PKN2: variants seen among roughly 807,000 people sequenced by gnomAD.
The protein encoded by PKN2 is serine/threonine-protein kinase N2.
A neutral mutation model predicts 119.1 loss-of-function variants in PKN2; 38 were observed. That is an observed-to-expected ratio of 0.32 (90% CI 0.25 to 0.42). The LOEUF (loss-of-function observed/expected upper bound fraction) is 0.42. Ranked by LOEUF, PKN2 falls within the 10% of genes least tolerant of loss-of-function variation. PKN2 has a pLI of 1.00. For synonymous variants in PKN2, 390 were observed against 384.9 expected (o/e 1.01, Z -0.15); for missense variants, 850 against 1,165.1 (o/e 0.73, Z 3.94).
intron 1 of PKN2, among the ~76,000 whole-genome samples, chr1:88,738,177 AAAC>A (rs1487117970): frequency 1.1e-3 from 165 of 146,498 alleles, no homozygotes; most frequent in Admixed American, 9.3e-3. Context: ...AAAAACAAAC[AAAC>A]AAAAAAAAAC....
At chr1:88,761,980 T>G (rs1669466497) in intron 3 of PKN2, among the ~76,000 whole-genome samples, 1 of 152,206 alleles carries the variant, frequency 6.6e-6, no homozygotes, top group East Asian at 1.9e-4. Flanking sequence ...ACTGAGCATT[T>G]TTAAATTAAA....
chr1:88,803,326 G>T (rs1479333583), intron 8 of PKN2, among the ~76,000 whole-genome samples: 1 of 151,996 alleles, frequency 6.6e-6, no homozygotes, highest in African/African-American at 2.4e-5. Context: ...AAGGTCAATA[G>T]ATTTTTTTTT....
chr1:88,703,752 G>A (rs940987677), intron 1 of PKN2, among the ~76,000 whole-genome samples: 3 of 152,086 alleles, frequency 2.0e-5, no homozygotes, highest in Non-Finnish European at 4.4e-5. Context: ...ATTGAGATGG[G>A]AATATATCAG....
intron 2 of PKN2, among the ~76,000 whole-genome samples, chr1:88,750,509 A>C (rs370496662): frequency 3.3e-5 from 5 of 152,156 alleles, no homozygotes; most frequent in Non-Finnish European, 4.4e-5. Flanking sequence ...TGGCCTTGGG[A>C]AATCTTATCC....
chr1:88,744,318 G>T (rs1668684870), intron 2 of PKN2, among the ~76,000 whole-genome samples: 1 of 152,268 alleles, frequency 6.6e-6, no homozygotes, highest in Non-Finnish European at 1.5e-5. Context: ...TTGTCTTGTG[G>T]GTACATAAGC....
intron 1 of PKN2, among the ~76,000 whole-genome samples, chr1:88,724,931 C>G (rs1313956396): frequency 8.0e-6 from 1 of 125,118 alleles, no homozygotes; most frequent in Non-Finnish European, 1.6e-5. Flanking sequence ...CAGTCTTGCT[C>G]TGTCACCCAG....
rs11802915 is a variant in PKN2, at chr1:88,785,023, A to G, written c.1171+199A>G. On this transcript the variant is annotated intron_variant, in intron 7 of 21. Coordinates refer to ENST00000370521, the MANE Select transcript of PKN2 (RefSeq NM_006256.4). Reference sequence around the variant, plus strand: ...TGAAGATACATTAGAAAACTTAATGACAAATGACATTAGTTCTTTTGGAAG... The same window carrying G: ...TGAAGATACATTAGAAAACTTAATGGCAAATGACATTAGTTCTTTTGGAAG... 2.5e-3 allele frequency among the ~76,000 whole-genome samples: 374 copies of G among 152,370 alleles called. 1 individual carries two copies. The highest frequency in any genetic ancestry group is 8.7e-3 in the African/African-American group (362 of 41,584).
intron 1 of PKN2, among the ~76,000 whole-genome samples, chr1:88,702,069 C>T (rs1666791852): frequency 6.6e-6 from 1 of 152,178 alleles, no homozygotes; most frequent in Non-Finnish European, 1.5e-5. Flanking sequence ...AGTGATTCTC[C>T]TGCCTCAGCC....
intron 6 of PKN2, among the ~76,000 whole-genome samples, chr1:88,777,045 A>G (rs958429235): frequency 6.6e-5 from 10 of 152,048 alleles, no homozygotes; most frequent in Admixed American, 5.9e-4. Flanking sequence ...ATTTTTGCCT[A>G]CATTGGTGTG....
At chr1:88,810,108 GT>G (rs1169538839) in intron 15 of PKN2, among the ~76,000 whole-genome samples, 3 of 151,200 alleles carry the variant, frequency 2.0e-5, no homozygotes, top group Non-Finnish European at 3.0e-5. Context: ...AAATTTATAA[GT>G]TTTTTTTTAA....
chr1:88,823,703 T>TAAAAA (rs61234342), intron 17 of PKN2, among the ~76,000 whole-genome samples: 4 of 65,788 alleles, frequency 6.1e-5, no homozygotes, highest in Admixed American at 1.8e-4. Flanking sequence ...GACTCTGTCT[T>TAAAAA]AAAAAAAAAA....
chr1:88,778,170 G>T (rs1670182978), intron 6 of PKN2, among the ~76,000 whole-genome samples: 1 of 152,196 alleles, frequency 6.6e-6, no homozygotes, highest in Admixed American at 6.5e-5. Context: ...AAACCAAGCT[G>T]TAACCCAACC....
chr1:88,819,529 G>A (rs981184886), intron 16 of PKN2, among the ~76,000 whole-genome samples: 1 of 152,240 alleles, frequency 6.6e-6, no homozygotes, highest in African/African-American at 2.4e-5. Flanking sequence ...TGCTGGAGAG[G>A]ATATGGAGAA....
At chr1:88,805,009 G>GT (rs1372110820) in intron 10 of PKN2, 88 bp downstream of exon 10, 14 of 627,296 alleles carry the variant, frequency 2.2e-5, no homozygotes, top group East Asian at 1.8e-4. Flanking sequence ...ATCTGTGTGG[G>GT]TTTTTTTGTT....
intron 17 of PKN2, among the ~76,000 whole-genome samples, chr1:88,822,329 A>T (rs1184003318): frequency 1.3e-5 from 2 of 152,204 alleles, no homozygotes; most frequent in Non-Finnish European, 2.9e-5. Flanking sequence ...GACCAATACT[A>T]CTAAAAACGT....
At chr1:88,815,318 C>T (rs1031138852) in intron 16 of PKN2, 2 of 199,518 alleles carry the variant, frequency 1.0e-5, no homozygotes, top group African/African-American at 4.8e-5. Context: ...GAAAGTACCT[C>T]CCTTTATCAT....
At chr1:88,709,037 C>A (rs1005086332) in intron 1 of PKN2, among the ~76,000 whole-genome samples, 1 of 151,658 alleles carries the variant, frequency 6.6e-6, no homozygotes, top group Non-Finnish European at 1.5e-5. Context: ...TATTCTGGGG[C>A]CTGTTTATAT....
At chr1:88,807,074 G>A (rs954504108) in intron 12 of PKN2, among the ~76,000 whole-genome samples, 39 of 152,056 alleles carry the variant, frequency 2.6e-4, no homozygotes, top group African/African-American at 9.2e-4. Flanking sequence ...CCAGCTACTC[G>A]GGAGGCTGAG....
chr1:88,705,867 C>T (rs1050437981), intron 1 of PKN2, among the ~76,000 whole-genome samples: 1 of 151,674 alleles, frequency 6.6e-6, no homozygotes, highest in Non-Finnish European at 1.5e-5. Flanking sequence ...AATTTTTTGC[C>T]AGTCCCATGC....
Sources: allele counts gnomAD v4.1 joint callset (sites outside exome capture counted in the v4.1 genomes callset), GRCh38; gene constraint gnomAD v4.1.1; transcripts MANE v1.5; gene names NCBI Gene and HGNC (gene_info 2026-07-23, HGNC 2026-07-21).